Variants in LRRC4C observed in about 807,000 individuals in gnomAD.
LRRC4C encodes leucine-rich repeat-containing protein 4C.
In LRRC4C, 5 loss-of-function variants were observed where a neutral mutation model predicts 33.6. The ratio of observed to expected loss-of-function variants is 0.15; its 90% CI spans 0.08 to 0.31. The LOEUF is 0.31. Ranked by LOEUF, LRRC4C falls within the 10% of genes least tolerant of loss-of-function variation. LRRC4C has a pLI of 1.00. For missense variants in LRRC4C, 560 were observed against 796.7 expected, an observed-to-expected ratio of 0.70 and a Z score of 3.58; for synonymous variants, 329 against 302.0, an observed-to-expected ratio of 1.09 and a Z score of -0.93.
chr11:41,073,201 C>A (rs969997562), intron 1 of LRRC4C, among the ~76,000 whole-genome samples: 1 of 152,034 alleles, frequency 6.6e-6, no homozygotes, highest in African/African-American at 2.4e-5. Flanking sequence ...GTTATGGTGG[C>A]TGGAAGGTTC....
At chr11:41,274,332 C>A (rs1949411569) in intron 1 of LRRC4C, among the ~76,000 whole-genome samples, 1 of 152,098 alleles carries the variant, frequency 6.6e-6, no homozygotes, top group Admixed American at 6.6e-5. Context: ...TGAGAATAAA[C>A]TCAACGGGAT....
At chr11:40,870,854 A>C (rs1954602085) in intron 2 of LRRC4C, among the ~76,000 whole-genome samples, 1 of 152,170 alleles carries the variant, frequency 6.6e-6, no homozygotes, top group Non-Finnish European at 1.5e-5. Flanking sequence ...GGAACAAGAG[A>C]GATAACCTTA....
At chr11:41,325,575 TTTTG>T (rs66532362) in intron 1 of LRRC4C, among the ~76,000 whole-genome samples, 15,331 of 117,496 alleles carry the variant, frequency 0.13, 1,064 homozygotes, top group East Asian at 0.33. Flanking sequence ...AGTTTTTTTT[TTTTG>T]TGTGTGTGTG....
At chr11:40,382,889 T>C (rs1948946700) in intron 3 of LRRC4C, among the ~76,000 whole-genome samples, 1 of 151,982 alleles carries the variant, frequency 6.6e-6, no homozygotes, top group Non-Finnish European at 1.5e-5. Context: ...GAGAAGGGGT[T>C]TCACCGTGTT....
intron 4 of LRRC4C, among the ~76,000 whole-genome samples, chr11:40,291,917 G>A (rs1944224026): frequency 6.6e-6 from 1 of 151,334 alleles, no homozygotes; most frequent in Non-Finnish European, 1.5e-5. Flanking sequence ...CACTGCAGCG[G>A]CTTTCTTGGG....
At chr11:40,674,768 G>C (rs1371640999) in intron 2 of LRRC4C, among the ~76,000 whole-genome samples, 1 of 152,062 alleles carries the variant, frequency 6.6e-6, no homozygotes, top group Non-Finnish European at 1.5e-5. Context: ...CATATGCATA[G>C]AGCTTATATT....
At chr11:41,208,400 T>A (rs1441471695) in intron 1 of LRRC4C, among the ~76,000 whole-genome samples, 2 of 152,226 alleles carry the variant, frequency 1.3e-5, no homozygotes. Context: ...AAGATTTGAA[T>A]AATTCTCTGC....
chr11:40,923,477 G>T (rs1280746614), intron 2 of LRRC4C, among the ~76,000 whole-genome samples: 2 of 152,110 alleles, frequency 1.3e-5, no homozygotes. Context: ...TTTGGGTGAA[G>T]AATTTAACAG....
intron 5 of LRRC4C, among the ~76,000 whole-genome samples, chr11:40,175,540 A>C (rs1475387523): frequency 6.6e-6 from 1 of 152,182 alleles, no homozygotes; most frequent in Non-Finnish European, 1.5e-5. Flanking sequence ...ATCAAGGCAG[A>C]CTCAGACTTG....
chr11:40,490,810 C>A (rs1410315712), intron 3 of LRRC4C, among the ~76,000 whole-genome samples: 1 of 152,010 alleles, frequency 6.6e-6, no homozygotes, highest in Non-Finnish European at 1.5e-5. Flanking sequence ...TTTTAAAAAC[C>A]TGGTTTAGGA....
intron 1 of LRRC4C, among the ~76,000 whole-genome samples, chr11:41,437,775 C>T (rs1440670608): frequency 2.0e-5 from 3 of 152,136 alleles, no homozygotes; most frequent in South Asian, 2.1e-4. Flanking sequence ...CCCTGGCTTA[C>T]GCCTGTAATC....
chr11:40,473,232 C>T (rs1448325373), intron 3 of LRRC4C, among the ~76,000 whole-genome samples: 1 of 152,158 alleles, frequency 6.6e-6, no homozygotes, highest in Non-Finnish European at 1.5e-5. Context: ...AATGCAGCAG[C>T]ACATCAAAAA....
chr11:40,850,828 A>G (rs543834905), intron 2 of LRRC4C, among the ~76,000 whole-genome samples: 5 of 152,196 alleles, frequency 3.3e-5, no homozygotes, highest in African/African-American at 1.2e-4. Context: ...ATGTCCTGCC[A>G]GAGAGGAGGA....
chr11:40,588,935 G>GA (rs1047388036), intron 3 of LRRC4C, among the ~76,000 whole-genome samples: 28 of 152,184 alleles, frequency 1.8e-4, no homozygotes, highest in African/African-American at 6.7e-4. Context: ...GTGTGGTGCT[G>GA]AAAAAAATGT....
At chr11:40,764,754 G>A (rs556910937) in intron 2 of LRRC4C, among the ~76,000 whole-genome samples, 27 of 152,134 alleles carry the variant, frequency 1.8e-4, no homozygotes, top group Non-Finnish European at 3.2e-4. Context: ...TCCATTTTTA[G>A]GGGGGGAACA....
intron 2 of LRRC4C, among the ~76,000 whole-genome samples, chr11:40,761,923 A>G (rs11036067): frequency 0.068 from 10,350 of 152,214 alleles, 590 homozygotes; most frequent in African/African-American, 0.15. Context: ...GACAAGCAGT[A>G]TACTACCATT....
chr11:41,173,498 A>G (rs915869306), intron 1 of LRRC4C, among the ~76,000 whole-genome samples: 8 of 152,118 alleles, frequency 5.3e-5, no homozygotes, highest in African/African-American at 1.9e-4. Flanking sequence ...GGGCCTAGCC[A>G]TATTCTATTT....
At chr11:41,430,314 T>G (rs1955188431) in intron 1 of LRRC4C, among the ~76,000 whole-genome samples, 1 of 152,164 alleles carries the variant, frequency 6.6e-6, no homozygotes, top group African/African-American at 2.4e-5. Flanking sequence ...ATAGCCATTT[T>G]TATGCCTCCA....
At chr11:41,233,679 AT>A (rs1377594669) in intron 1 of LRRC4C, among the ~76,000 whole-genome samples, 2 of 152,050 alleles carry the variant, frequency 1.3e-5, no homozygotes, top group Non-Finnish European at 2.9e-5. Context: ...ATTTATGCAA[AT>A]ATGATAAACT....
Sources: gnomAD v4.1 joint callset for allele counts (sites outside exome capture counted in the v4.1 genomes callset) on GRCh38, gnomAD v4.1.1 for gene constraint, MANE v1.5 for transcripts, NCBI Gene and HGNC (gene_info 2026-07-23, HGNC 2026-07-21) for gene names.